The following SIDT2 variants were observed in gnomAD, a reference collection of about 807,000 sequenced individuals.
SIDT2 encodes the protein SID1 transmembrane family, member 2.
A neutral mutation model predicts 114.4 loss-of-function variants in SIDT2; 68 were observed. The observed-to-expected ratio is 0.59, with a 90% CI of 0.49 to 0.73. The LOEUF (loss-of-function observed/expected upper bound fraction) is 0.73. Ranked by LOEUF, SIDT2 falls within the 30% of genes least tolerant of loss-of-function variation. The pLI is 0.00. For missense variants in SIDT2, 918 were observed against 1,097.1 expected, an observed-to-expected ratio of 0.84 and a Z score of 2.31; for synonymous variants, 470 against 438.4, an observed-to-expected ratio of 1.07 and a Z score of -0.90.
Position 117,190,708 on chromosome 11 carries a change from AT to A in SIDT2, c.1704del (p.His568GlnfsTer18). On this transcript the variant is annotated frameshift_variant, in exon 18 of 26. Coordinates refer to ENST00000324225, the MANE Select transcript of SIDT2 (RefSeq NM_001040455.2). LOFTEE classifies it high-confidence loss of function. This position sits in a 1 kb window ranked among gnomAD's most constrained non-coding sequence, Gnocchi z 4.1. ...MMEGLLSACYHVCPNYTNFQF... is the reference protein window; with the variant it reads ...MMEGLLSACYXVCPNYTNFQF... The stretch of plus-strand genomic sequence containing the variant: ...GAGGGGCTGCTCAGTGCTTGCTATC[AT>A]GTGTGCCCCAACTATACCAATTTCC... 1 of 1,613,764 alleles carries A rather than the reference AT, an allele frequency of 6.2e-7. No homozygotes were observed. The highest frequency in any genetic ancestry group is 8.5e-7 in the Non-Finnish European group (1 of 1,179,922).
At chr11:117,183,072 G>A (rs544347861) in intron 6 of SIDT2, among the ~76,000 whole-genome samples, 49 of 152,290 alleles carry the variant, frequency 3.2e-4, no homozygotes, top group African/African-American at 1.1e-3. Context: ...GGCTGAGCGC[G>A]GTGGCTCATT....
At chr11:117,179,474 G>A (rs1175408224) in intron 1 of SIDT2, 28 bp downstream of exon 1, 3 of 1,596,164 alleles carry the variant, frequency 1.9e-6, no homozygotes, top group East Asian at 2.2e-5. Flanking sequence ...AGGGGCCAGA[G>A]GCGAGTGGGG....
In SIDT2 at chr11:117,193,176, G is replaced by A. The variant is rs755769092; in HGVS notation, c.2129G>A (p.Arg710His). 3.6e-5 allele frequency: 58 copies of A among 1,613,972 alleles called. No individual in the cohort carries two copies. In the Admixed American group the frequency reaches 7.5e-4, roughly 21 times the overall value. Reference protein sequence around the residue: ...WSLAAYGLIMRPNDFASYLLA... With the variant: ...WSLAAYGLIMHPNDFASYLLA... ...AGGGCTGCCTATGGGCTTATCATGC[G>A]CCCCAATGATTTCGCTTCCTACTTG... The change falls in exon 23 of 26, where the codon CGC (arginine) becomes CAC (histidine). Residue 710 changes from arginine to histidine, a missense_variant. By Grantham distance (29) the Arg-to-His change is conservative. This residue lies in a region of SIDT2 where 275 missense variants were observed against 397.6 expected (regional missense o/e 0.69). Transcript: ENST00000324225.
intron 24 of SIDT2, 149 bp from the exon 25 acceptor site, chr11:117,195,653 G>A (rs1274454397): frequency 2.7e-6 from 2 of 746,252 alleles, no homozygotes; most frequent in Non-Finnish European, 2.3e-6. Context: ...TCGGGAAGGG[G>A]TAGGGACAAG....
chr11:117,182,277 C>T, intron 4 of SIDT2, 172 bp downstream of exon 4: 1 of 798,446 alleles, frequency 1.3e-6, no homozygotes, highest in Non-Finnish European at 2.0e-6. Context: ...CAGCATGGGA[C>T]TGTACAGAGA....
At chr11:117,179,655 AGT>A in intron 1 of SIDT2, 1 of 555,270 alleles carries the variant, frequency 1.8e-6, no homozygotes, top group South Asian at 2.5e-5. Context: ...CAGTTTTTGA[AGT>A]TGGCTCATTC....
rs1043576693 is a variant in SIDT2 at position 117,181,520 on chromosome 11, C to A, written c.288C>A (p.Pro96=). The change falls in exon 2 of 26, where the codon CCC becomes CCA. Residue 96 remains proline (P), a synonymous_variant. Transcript: ENST00000324225. ...AGGCTGTGGTGTCCTTCCAGGTGCC[C>A]CTAATCCTGCGAGGGATGTGAGTAG... ...QKEAVVSFQV[P]LILRGMFQRK... The A allele has an allele frequency of 1.2e-6, 2 of 1,613,762 alleles. No homozygotes were observed. The highest frequency in any genetic ancestry group is 2.7e-5 in the African/African-American group (2 of 74,846).
Position 117,182,599 on chromosome 11 carries a change from C to A in SIDT2, c.597C>A (p.Val199=). The change falls in exon 5 of 26, where the codon GTC becomes GTA. Residue 199 remains valine (V), a synonymous_variant. Coordinates refer to ENST00000324225, the MANE Select transcript of SIDT2 (RefSeq NM_001040455.2). ...VTSNKAFPCS[V]ISIQDVLCPV... is the part of the protein sequence containing the mutation. ...CCAACAAGGCCTTCCCCTGCTCAGT[C>A]ATCTCCATTCAGGATGTGCTGGTGA... The A allele has an allele frequency of 6.2e-7, 1 of 1,614,228 alleles. No homozygotes were observed. Among genetic ancestry groups the A allele is most frequent in the South Asian group, 1.1e-5 (1 of 91,074 alleles).
At position 117,192,671 on chromosome 11, in the gene SIDT2, C is replaced by T. The variant is rs768851483; in HGVS notation, c.2058+21C>T. 1.2e-6 allele frequency: 2 copies of T among 1,612,850 alleles called. No individual in the cohort carries two copies. The highest frequency in any genetic ancestry group is 1.7e-6 in the Non-Finnish European group (2 of 1,179,904). ...ACGTGGTACCTGCCTGGTTCCCCTG[C>T]TCCATTCTCCACATCTCCTTTCTTC... On this transcript the variant is annotated intron_variant, in intron 21 of 25. Transcript: ENST00000324225. The surrounding 1 kb of genome is among the most constrained non-coding windows in gnomAD (Gnocchi z 5.9).
At chr11:117,182,396 A>G in intron 4 of SIDT2, 123 bp from the exon 5 acceptor site, 2 of 850,180 alleles carry the variant, frequency 2.4e-6, no homozygotes, top group Non-Finnish European at 3.8e-6. Flanking sequence ...CTCCTCGGAG[A>G]GCCTCCACTG....
At chr11:117,180,819 C>T (rs958175243) in intron 1 of SIDT2, among the ~76,000 whole-genome samples, 1 of 152,042 alleles carries the variant, frequency 6.6e-6, no homozygotes. Flanking sequence ...CGTGAGTCAC[C>T]GCACCCGGCT....
chr11:117,188,694 C>T lies in SIDT2; in HGVS notation c.1160-14C>T. ...TGTCCACCGGTGCAACCCCTCCCTCCCTGCCCTTTCCAGGCCGCTCCTTTG... is the reference window on the plus strand; with the variant it reads ...TGTCCACCGGTGCAACCCCTCCCTCTCTGCCCTTTCCAGGCCGCTCCTTTG... On this transcript the variant is annotated splice_polypyrimidine_tract_variant and intron_variant, in intron 12 of 25. Coordinates refer to ENST00000324225, the MANE Select transcript of SIDT2 (RefSeq NM_001040455.2). This position sits in a 1 kb window ranked among gnomAD's most constrained non-coding sequence, Gnocchi z 4.0. 2 of 1,608,718 alleles carry T rather than the reference C, an allele frequency of 1.2e-6. No homozygotes were observed. The highest frequency in any genetic ancestry group is 1.7e-6 in the Non-Finnish European group (2 of 1,175,028).
chr11:117,187,218 G>A (rs534471838), intron 10 of SIDT2, among the ~76,000 whole-genome samples, 160 bp from the exon 11 acceptor site: 2 of 152,196 alleles, frequency 1.3e-5, no homozygotes, highest in African/African-American at 4.8e-5. Flanking sequence ...GGCGGGTGGT[G>A]GTGGCAGCAG....
chr11:117,190,490 C>A lies in SIDT2; in HGVS notation c.1618-133C>A. On this transcript the variant is annotated intron_variant, in intron 17 of 25. Transcript: ENST00000324225. The surrounding 1 kb of genome is among the most constrained non-coding windows in gnomAD (Gnocchi z 4.1). ...TGCCAGCCTGCCCAGGCCAGCCCACCCCTGCACACCCACACTCGACACATA... is the reference window on the plus strand; with the variant it reads ...TGCCAGCCTGCCCAGGCCAGCCCACACCTGCACACCCACACTCGACACATA... 9.3e-7 allele frequency: 1 copy of A among 1,080,268 alleles called. No homozygotes were observed. Among genetic ancestry groups the A allele is most frequent in the Non-Finnish European group, 1.3e-6 (1 of 755,006 alleles). 66.9% of individuals were successfully genotyped at this position (1,080,268 alleles called of 1,614,324 possible).
Position 117,187,453 on chromosome 11 carries a change from C to T in SIDT2, c.1087+4C>T, listed in dbSNP as rs745882419. The T allele has an allele frequency of 5.6e-6, 9 of 1,613,692 alleles. No individual in the cohort carries two copies. The East Asian group carries it at 8.9e-5, about 16-fold the overall frequency. The stretch of plus-strand genomic sequence containing the variant: ...GGTTACAACTATGGCTCCTTTGGTA[C>T]GTGTCAAAGCCAGCACCGTGCTTGC... On this transcript the variant is annotated splice_donor_region_variant and intron_variant, in intron 11 of 25. Coordinates refer to ENST00000324225, the MANE Select transcript of SIDT2 (RefSeq NM_001040455.2).
chr11:117,185,242 AG>A (rs566504108), intron 8 of SIDT2, among the ~76,000 whole-genome samples: 431 of 150,866 alleles, frequency 2.9e-3, no homozygotes, highest in African/African-American at 9.9e-3. Flanking sequence ...GTAGAGAAGG[AG>A]TTTCACCGTG....
chr11:117,181,366 C>T (rs1364835629), intron 1 of SIDT2, 50 bp from the exon 2 acceptor site: 2 of 1,610,024 alleles, frequency 1.2e-6, no homozygotes, highest in Non-Finnish European at 1.7e-6. Context: ...TCTGGAGCCA[C>T]GTGTCCCTGG....
intron 24 of SIDT2, 195 bp downstream of exon 24, chr11:117,194,158 T>A (rs544077496): frequency 3.5e-5 from 18 of 507,794 alleles, no homozygotes; most frequent in East Asian, 3.1e-4. Context: ...AAAATAAAAA[T>A]AAAAAAATTA....
In SIDT2 at chr11:117,192,145, G is replaced by A. The variant is rs2030725668; in HGVS notation, c.1873-109G>A. The A allele has an allele frequency of 6.5e-7, 1 of 1,533,388 alleles. No homozygotes were observed. The highest frequency in any genetic ancestry group is 2.3e-5 in the East Asian group (1 of 44,390). The allele number at this position is 1,533,388 out of a possible 1,614,324, so 95.0% of individuals were successfully genotyped here. ...CTCCTTCCCTGAGATGCCTTCCTGG[G>A]CCCCTCTCAGAGTCCCAGCCTGGCT... On this transcript the variant is annotated intron_variant, in intron 19 of 25. Transcript: ENST00000324225. The surrounding 1 kb of genome is among the most constrained non-coding windows in gnomAD (Gnocchi z 5.9).
Sources: allele counts gnomAD v4.1 joint callset (sites outside exome capture counted in the v4.1 genomes callset), GRCh38; gene constraint gnomAD v4.1.1; regional missense constraint gnomAD v4.1.1; non-coding constraint Gnocchi (gnomAD v3.1); transcripts MANE v1.5; gene names NCBI Gene and HGNC (gene_info 2026-07-23, HGNC 2026-07-21).